Variants in ILKAP observed in about 807,000 individuals in gnomAD.
ILKAP encodes integrin-linked kinase-associated serine/threonine phosphatase 2C.
ILKAP carries 11 observed loss-of-function variants against 49.1 expected under a neutral mutation model. The ratio of observed to expected loss-of-function variants is 0.22; its 90% CI spans 0.14 to 0.37. The LOEUF (loss-of-function observed/expected upper bound fraction) is 0.37, where lower values mean the gene tolerates loss of function less well. ILKAP is among the 10% of genes least tolerant of loss of function. The probability of loss-of-function intolerance (pLI) is 1.00; values close to 1 mark genes in which losing one functional copy is unlikely to be tolerated. For missense variants in ILKAP, 363 were observed against 510.8 expected (o/e 0.71, Z 2.79); for synonymous variants, 186 against 192.8 (o/e 0.96, Z 0.29).
intron 3 of ILKAP, 141 bp from the exon 4 acceptor site, chr2:238,190,113 G>C: frequency 1.3e-6 from 1 of 752,708 alleles, no homozygotes; most frequent in East Asian, 3.1e-5. Context: ...CCCAGGAGTT[G>C]TGTCTTCATG....
intron 9 of ILKAP, among the ~76,000 whole-genome samples, chr2:238,179,667 A>G (rs1304064963): frequency 2.0e-5 from 3 of 152,158 alleles, no homozygotes; most frequent in Non-Finnish European, 2.9e-5. Context: ...CAACTTAATT[A>G]AGGGTCACAT....
chr2:238,191,276 A>G (rs34072650), intron 3 of ILKAP, among the ~76,000 whole-genome samples: 1 of 151,742 alleles, frequency 6.6e-6, no homozygotes, highest in Non-Finnish European at 1.5e-5. Flanking sequence ...AGCCTACAGG[A>G]GTGCACCATC....
Position 238,173,663 on chromosome 2 carries a change from G to A in ILKAP, c.837-10C>T, listed in dbSNP as rs753601940. On this transcript the variant is annotated splice_polypyrimidine_tract_variant and intron_variant, in intron 9 of 11. Coordinates refer to ENST00000254654, the MANE Select transcript of ILKAP (RefSeq NM_030768.3). ...CAAAACACGCCCATCCCTAAAATGAGAGGAAAAACATTTCAGACTCTACCT... is the reference window on the plus strand; with the variant it reads ...CAAAACACGCCCATCCCTAAAATGAAAGGAAAAACATTTCAGACTCTACCT... 7 of 1,612,176 alleles carry A rather than the reference G, an allele frequency of 4.3e-6. No individual in the cohort carries two copies. Among genetic ancestry groups the A allele is most frequent in the Admixed American group, 3.3e-5 (2 of 59,712 alleles).
At chr2:238,181,957 C>A in intron 9 of ILKAP, 108 bp downstream of exon 9, 1 of 1,185,102 alleles carries the variant, frequency 8.4e-7, no homozygotes, top group Non-Finnish European at 1.2e-6. Context: ...AGAGCCTCGT[C>A]ACACTGAAGA....
chr2:238,185,252 T>C lies in ILKAP; in HGVS notation c.461A>G (p.His154Arg), dbSNP rs1693855934. ...RVSYFAVFDG[H>R]GGIRASKFAA... ...AAATTTTGAGGCTCGAATTCCTCCATGTCCATCAAAAACAGCAAAATATGA... is the reference window on the plus strand; with the variant it reads ...AAATTTTGAGGCTCGAATTCCTCCACGTCCATCAAAAACAGCAAAATATGA... The change falls in exon 6 of 12, where the codon CAT becomes CGT. Residue 154 changes from histidine (H) to arginine (R), a missense_variant. This residue lies in a region of ILKAP where 166 missense variants were observed against 307.3 expected (regional missense o/e 0.54). Transcript: ENST00000254654. The C allele has an allele frequency of 1.9e-6, 3 of 1,613,660 alleles. No individual in the cohort carries two copies. Among genetic ancestry groups the C allele is most frequent in the Non-Finnish European group, 2.5e-6 (3 of 1,179,574 alleles).
At chr2:238,175,537 A>G (rs984836578) in intron 9 of ILKAP, among the ~76,000 whole-genome samples, 87 of 152,314 alleles carry the variant, frequency 5.7e-4, no homozygotes, top group African/African-American at 2.0e-3. Context: ...CTATGCCTAC[A>G]CTCAATGCGA....
chr2:238,190,875 T>C lies in ILKAP; in HGVS notation c.179-903A>G, dbSNP rs185221801. ...TGGGCAAAGTAGTAAGACGTTTCTC[T>C]TTAAAAAAAAAAAAAAAAAAAAAAA... On this transcript the variant is annotated intron_variant, in intron 3 of 11. Transcript: ENST00000254654. Among the ~76,000 whole-genome samples, 305 of 75,540 alleles carry C rather than the reference T, an allele frequency of 4.0e-3. 2 individuals carry two copies. Among genetic ancestry groups the C allele is most frequent in the African/African-American group, 0.013 (289 of 22,970 alleles). 49.6% of individuals were successfully genotyped at this position (75,540 alleles called of 152,430 possible).
chr2:238,185,123 A>G (rs1381001356), intron 6 of ILKAP, 58 bp downstream of exon 6: 3 of 1,074,328 alleles, frequency 2.8e-6, no homozygotes, highest in Non-Finnish European at 4.3e-6. Flanking sequence ...TGCTTCACAC[A>G]GCCAACCAAA....
In ILKAP at chr2:238,177,702, T is replaced by C. The variant is rs890201059; in HGVS notation, c.837-4049A>G. Among the ~76,000 whole-genome samples the C allele has an allele frequency of 3.3e-5, 5 of 152,346 alleles. No homozygotes were observed. The East Asian group carries it at 5.8e-4, about 18-fold the overall frequency. ...TATTCTGTTATATAGACATCTCACG[T>C]TGCTTATCTATTCATCTGTCAATGA... On this transcript the variant is annotated intron_variant, in intron 9 of 11. Coordinates refer to ENST00000254654, the MANE Select transcript of ILKAP (RefSeq NM_030768.3).
chr2:238,173,669 A>G lies in ILKAP; in HGVS notation c.837-16T>C, dbSNP rs754766458. 1.2e-6 allele frequency: 2 copies of G among 1,612,596 alleles called. No homozygotes were observed. The highest frequency in any genetic ancestry group is 2.2e-5 in the East Asian group (1 of 44,868). ...ACGCCCATCCCTAAAATGAGAGGAA[A>G]AACATTTCAGACTCTACCTGACAGA... On this transcript the variant is annotated splice_polypyrimidine_tract_variant and intron_variant, in intron 9 of 11. Coordinates refer to ENST00000254654, the MANE Select transcript of ILKAP (RefSeq NM_030768.3).
In ILKAP at chr2:238,170,468, A is replaced by T; in HGVS notation, c.*68T>A. On this transcript the variant is annotated 3_prime_UTR_variant, in exon 12 of 12. Coordinates refer to ENST00000254654, the MANE Select transcript of ILKAP (RefSeq NM_030768.3). ...TCCCACAGGAGTACACAAAACACAC[A>T]ATGTGCACACACACAAAATGAACCT... 1 of 1,499,450 alleles carries T rather than the reference A, an allele frequency of 6.7e-7. No homozygotes were observed. Among genetic ancestry groups the T allele is most frequent in the South Asian group, 1.3e-5 (1 of 77,462 alleles). 92.9% of individuals were successfully genotyped at this position (1,499,450 alleles called of 1,614,324 possible). A position where few individuals can be genotyped will look rare whatever the true frequency, so the allele number is the denominator to read the frequency against.
intron 3 of ILKAP, among the ~76,000 whole-genome samples, chr2:238,193,789 TCTAC>T (rs1425590026): frequency 2.6e-5 from 4 of 152,098 alleles, no homozygotes; most frequent in Non-Finnish European, 5.9e-5. Context: ...CCAGAGGAGC[TCTAC>T]CTAAGAAGTT....
intron 1 of ILKAP, among the ~76,000 whole-genome samples, chr2:238,201,817 C>T (rs897626692): frequency 2.0e-5 from 3 of 152,170 alleles, no homozygotes; most frequent in Non-Finnish European, 2.9e-5. Context: ...AAAAAGACTG[C>T]TACACAAATC....
intron 9 of ILKAP, chr2:238,173,947 T>TCA (rs1574778647): frequency 5.7e-6 from 2 of 349,324 alleles, no homozygotes; most frequent in Non-Finnish European, 1.1e-5. Context: ...GCAGTTCTCA[T>TCA]CACACACCTA....
chr2:238,174,622 C>G (rs2106326418), intron 9 of ILKAP, among the ~76,000 whole-genome samples: 1 of 152,348 alleles, frequency 6.6e-6, no homozygotes, highest in South Asian at 2.1e-4. Flanking sequence ...CAGCCTGGCC[C>G]TTCTCTGGGC....
At chr2:238,187,504 GT>G (rs1283565268) in intron 5 of ILKAP, among the ~76,000 whole-genome samples, 2 of 151,998 alleles carry the variant, frequency 1.3e-5, no homozygotes, top group Non-Finnish European at 2.9e-5. Context: ...CTACCTTCTG[GT>G]TTTTTTCCAG....
intron 10 of ILKAP, 42 bp from the exon 11 acceptor site, chr2:238,171,066 C>G: frequency 7.3e-7 from 1 of 1,378,144 alleles, no homozygotes; most frequent in Non-Finnish European, 1.0e-6. Context: ...TTAGGCCCAA[C>G]CAAAAAATAA....
chr2:238,173,602 C>A lies in ILKAP; in HGVS notation c.888G>T (p.Gly296=). Residue 296 remains glycine, a synonymous_variant, in exon 10 of 12, where the codon GGG becomes GGT. Coordinates refer to ENST00000254654, the MANE Select transcript of ILKAP (RefSeq NM_030768.3). ...AGGTGACACCGCAGCGCTTGTACTG[C>A]CCGTCCCCAATGGAGCGTGACACCT... ...VLEVSRSIGD[G]QYKRCGVTSV... is the part of the protein sequence containing the mutation. 11 of 1,614,092 alleles carry A rather than the reference C, an allele frequency of 6.8e-6. No homozygotes were observed. The highest frequency in any genetic ancestry group is 9.3e-6 in the Non-Finnish European group (11 of 1,179,978).
At chr2:238,193,406 A>G (rs1003191816) in intron 3 of ILKAP, among the ~76,000 whole-genome samples, 2 of 152,178 alleles carry the variant, frequency 1.3e-5, no homozygotes, top group Non-Finnish European at 2.9e-5. Flanking sequence ...TTTTTAGTAG[A>G]GACAGGGTTT....
Sources: allele counts gnomAD v4.1 joint callset (sites outside exome capture counted in the v4.1 genomes callset), GRCh38; gene constraint gnomAD v4.1.1; regional missense constraint gnomAD v4.1.1; transcripts MANE v1.5; gene names NCBI Gene and HGNC (gene_info 2026-07-23, HGNC 2026-07-21).